PMP22: variants seen among roughly 807,000 people sequenced by gnomAD.
PMP22 encodes peripheral myelin protein 22.
A neutral mutation model predicts 18.9 loss-of-function variants in PMP22; 2 were observed. That is an observed-to-expected ratio of 0.11 (90% CI 0.04 to 0.33). PMP22 has a LOEUF of 0.33. Among genes scored for constraint, PMP22 ranks in the 10% least tolerant of loss-of-function variants. The pLI is 1.00. For missense variants in PMP22, 169 were observed against 202.2 expected, an observed-to-expected ratio of 0.84 and a Z score of 1.00; for synonymous variants, 95 against 89.2, an observed-to-expected ratio of 1.07 and a Z score of -0.37.
intron 3 of PMP22, among the ~76,000 whole-genome samples, chr17:15,239,832 T>C (rs1032598726): frequency 6.6e-6 from 1 of 152,218 alleles, no homozygotes; most frequent in Non-Finnish European, 1.5e-5. Flanking sequence ...TATACATATA[T>C]ACATACATCT....
At chr17:15,259,951 A>AAAAAG (rs1389539014) in intron 2 of PMP22, among the ~76,000 whole-genome samples, 6 of 151,432 alleles carry the variant, frequency 4.0e-5, no homozygotes, top group Non-Finnish European at 7.4e-5. Flanking sequence ...AAAAAAAAAA[A>AAAAAG]AAAAGAAAAG....
intron 4 of PMP22, 41 bp from the exon 5 acceptor site, chr17:15,231,121 T>C: frequency 6.2e-7 from 1 of 1,606,592 alleles, no homozygotes; most frequent in East Asian, 2.2e-5. Context: ...GGAGAGTCCA[T>C]GGCAGAGCGG....
At chr17:15,231,926 C>A (rs1597598847) in intron 4 of PMP22, among the ~76,000 whole-genome samples, 1 of 152,288 alleles carries the variant, frequency 6.6e-6, no homozygotes, top group East Asian at 1.9e-4. Flanking sequence ...CACGCTCAAA[C>A]TGATGGCCCC....
In PMP22 at chr17:15,239,468, T is replaced by C; in HGVS notation, c.319+3A>G. ...CACATGGACTTTACCATCCACAACT[T>C]ACCAGCAAGAATTTGGAAGATTCCA... On this transcript the variant is annotated splice_donor_region_variant and intron_variant, in intron 4 of 4. Coordinates refer to ENST00000312280, the MANE Select transcript of PMP22 (RefSeq NM_000304.4). 6.2e-7 allele frequency: 1 copy of C among 1,614,178 alleles called. No homozygotes were observed. Among genetic ancestry groups the C allele is most frequent in the Non-Finnish European group, 8.5e-7 (1 of 1,180,004 alleles).
At chr17:15,238,582 C>T (rs1465761302) in intron 4 of PMP22, among the ~76,000 whole-genome samples, 2 of 152,188 alleles carry the variant, frequency 1.3e-5, no homozygotes, top group Non-Finnish European at 2.9e-5. Flanking sequence ...TACTTCTCTC[C>T]AATGCCCTGC....
intron 4 of PMP22, among the ~76,000 whole-genome samples, 182 bp from the exon 5 acceptor site, chr17:15,231,262 C>T (rs564520463): frequency 6.6e-6 from 1 of 152,324 alleles, no homozygotes; most frequent in East Asian, 1.9e-4. Context: ...AGGAAAACAA[C>T]TTGCTCTCTA....
intron 3 of PMP22, among the ~76,000 whole-genome samples, chr17:15,254,306 G>T (rs549782567): frequency 6.6e-6 from 1 of 152,166 alleles, no homozygotes; most frequent in Non-Finnish European, 1.5e-5. Context: ...AAGGGTTCAG[G>T]CAAACTAGTT....
intron 3 of PMP22, 112 bp from the exon 4 acceptor site, chr17:15,239,723 C>G: frequency 1.0e-6 from 1 of 982,538 alleles, no homozygotes; most frequent in Non-Finnish European, 1.6e-6. Context: ...TCCTCACAGG[C>G]AGCAGAAGCA....
intron 3 of PMP22, among the ~76,000 whole-genome samples, chr17:15,255,433 G>A (rs1273446031): frequency 6.6e-6 from 1 of 151,994 alleles, no homozygotes; most frequent in Non-Finnish European, 1.5e-5. Flanking sequence ...GAGATGGCTG[G>A]AGCTCTAGCA....
At chr17:15,238,620 C>A (rs1423587127) in intron 4 of PMP22, among the ~76,000 whole-genome samples, 7 of 152,168 alleles carry the variant, frequency 4.6e-5, no homozygotes, top group Non-Finnish European at 8.8e-5. Flanking sequence ...AGTCAACAGA[C>A]AGACATGTAA....
chr17:15,231,184 C>T (rs1906316569), intron 4 of PMP22, 104 bp from the exon 5 acceptor site: 5 of 1,142,758 alleles, frequency 4.4e-6, no homozygotes, highest in Non-Finnish European at 6.5e-6. Flanking sequence ...AAGAACATTT[C>T]TACCTCTGGA....
chr17:15,234,877 C>A (rs1906662656), intron 4 of PMP22, among the ~76,000 whole-genome samples: 2 of 151,970 alleles, frequency 1.3e-5, no homozygotes, highest in South Asian at 2.1e-4. Flanking sequence ...AGTGCAGGGG[C>A]CTGATCATAG....
Position 15,237,658 on chromosome 17 carries a change from T to G in PMP22, c.319+1813A>C, listed in dbSNP as rs138708161. 1.4e-3 allele frequency among the ~76,000 whole-genome samples: 207 copies of G among 152,356 alleles called. 1 individual carries two copies. The highest frequency in any genetic ancestry group is 4.9e-3 in the African/African-American group (202 of 41,584). On this transcript the variant is annotated intron_variant, in intron 4 of 4. Transcript: ENST00000312280. Reference sequence around the variant, plus strand: ...AAATATAAGAAGTACCTCACTATATTCAGTGTAACACTCAACCGTCCCTGT... The same window carrying G: ...AAATATAAGAAGTACCTCACTATATGCAGTGTAACACTCAACCGTCCCTGT...
intron 3 of PMP22, among the ~76,000 whole-genome samples, chr17:15,242,999 G>A (rs921573263): frequency 2.0e-5 from 3 of 152,018 alleles, no homozygotes; most frequent in Admixed American, 6.5e-5. Flanking sequence ...ATTATATAGA[G>A]AGCCACATGG....
chr17:15,244,640 TGAA>T (rs1907634898), intron 3 of PMP22, among the ~76,000 whole-genome samples: 1 of 152,202 alleles, frequency 6.6e-6, no homozygotes, highest in South Asian at 2.1e-4. Context: ...GAAGAGTCTT[TGAA>T]AGGTCTCCAA....
intron 3 of PMP22, among the ~76,000 whole-genome samples, chr17:15,245,958 A>G (rs762344393): frequency 6.6e-6 from 1 of 151,296 alleles, no homozygotes; most frequent in Non-Finnish European, 1.5e-5. Context: ...GCTTGCAGTG[A>G]GCCGAGATCG....
At chr17:15,232,271 C>T (rs919793355) in intron 4 of PMP22, 22 of 152,242 alleles carry the variant, frequency 1.4e-4, no homozygotes, top group Admixed American at 1.4e-3. Flanking sequence ...CCTCCTGCAA[C>T]TCAGAGGAGA....
chr17:15,254,058 G>A (rs1386339137), intron 3 of PMP22, among the ~76,000 whole-genome samples: 1 of 152,200 alleles, frequency 6.6e-6, no homozygotes, highest in African/African-American at 2.4e-5. Flanking sequence ...TTCAGGACGT[G>A]AGAAAACGCT....
At chr17:15,243,112 T>C (rs1203782068) in intron 3 of PMP22, among the ~76,000 whole-genome samples, 4 of 151,528 alleles carry the variant, frequency 2.6e-5, no homozygotes, top group African/African-American at 9.7e-5. Flanking sequence ...CACTTTCAAC[T>C]CAAGAAGCCA....
Sources: gnomAD v4.1 joint callset for allele counts (sites outside exome capture counted in the v4.1 genomes callset) on GRCh38, gnomAD v4.1.1 for gene constraint, MANE v1.5 for transcripts, NCBI Gene and HGNC (gene_info 2026-07-23, HGNC 2026-07-21) for gene names.